Variants in SCGB2B2 observed in about 807,000 individuals in gnomAD.
SCGB2B2 encodes secretoglobin-like protein.
A neutral mutation model predicts 7.6 loss-of-function variants in SCGB2B2; 11 were observed. The observed-to-expected ratio is 1.45, with a 90% CI of 0.91 to 2.40. The LOEUF (loss-of-function observed/expected upper bound fraction) is 2.40, where lower values mean the gene tolerates loss of function less well. SCGB2B2 is among the 30% of genes most tolerant of loss of function. The pLI is 0.00. For missense variants in SCGB2B2, 104 were observed against 115.4 expected (o/e 0.90, Z 0.45); for synonymous variants, 50 against 48.6 (o/e 1.03, Z -0.12).
At chr19:34,608,043 A>G (rs1262915937) in intron 1 of SCGB2B2, among the ~76,000 whole-genome samples, 1 of 152,086 alleles carries the variant, frequency 6.6e-6, no homozygotes, top group Non-Finnish European at 1.5e-5. Flanking sequence ...GAATCTGTAG[A>G]TCACTTTGGG....
rs1163946010 is a variant in SCGB2B2, at chr19:34,593,618, A to C, written c.247-19T>G. On this transcript the variant is annotated intron_variant, in intron 3 of 3. Transcript: ENST00000601241. Reference sequence around the variant, plus strand: ...TCTTCTTCTGTTGGAAAAAGAAGAAAGAGAGGAGCCGGTGGCCTCTGTGAA... The same window carrying C: ...TCTTCTTCTGTTGGAAAAAGAAGAACGAGAGGAGCCGGTGGCCTCTGTGAA... The C allele has an allele frequency of 6.4e-7, 1 of 1,550,496 alleles. No individual in the cohort carries two copies. The highest frequency in any genetic ancestry group is 2.0e-5 in the Admixed American group (1 of 51,074).
At chr19:34,628,322 T>C (rs899248926) in intron 1 of SCGB2B2, among the ~76,000 whole-genome samples, 1 of 148,176 alleles carries the variant, frequency 6.7e-6, no homozygotes, top group African/African-American at 2.4e-5. Context: ...AAAAAATCAA[T>C]GAATCCAGGA....
intron 1 of SCGB2B2, among the ~76,000 whole-genome samples, chr19:34,671,157 A>G (rs1312204617): frequency 6.6e-6 from 1 of 152,126 alleles, no homozygotes; most frequent in Non-Finnish European, 1.5e-5. Flanking sequence ...CTCATGATAC[A>G]CCCACCTTGG....
In SCGB2B2 at chr19:34,594,958, A is replaced by G. The variant is rs182262435; in HGVS notation, c.-395T>C. ...CTGCACTTGGCACGCCCTAGCACAG[A>G]ATCTGCCACTGAGTGCTGGCTCAAC... On this transcript the variant is annotated 5_prime_UTR_variant, in exon 2 of 4. Coordinates refer to ENST00000601241, the MANE Select transcript of SCGB2B2 (RefSeq NM_001025591.4). 2.1e-5 allele frequency: 5 copies of G among 243,784 alleles called. No individual in the cohort carries two copies. The highest frequency in any genetic ancestry group is 3.3e-5 in the Non-Finnish European group (4 of 122,856). 15.1% of individuals were successfully genotyped at this position (243,784 alleles called of 1,614,324 possible).
At chr19:34,642,768 T>C (rs1448802425) in intron 1 of SCGB2B2, among the ~76,000 whole-genome samples, 3 of 136,832 alleles carry the variant, frequency 2.2e-5, no homozygotes, top group South Asian at 2.5e-4. Flanking sequence ...CCAACATCTC[T>C]CTAAAGATGA....
chr19:34,644,124 G>A (rs1256592298), intron 1 of SCGB2B2, among the ~76,000 whole-genome samples: 7 of 152,118 alleles, frequency 4.6e-5, no homozygotes, highest in South Asian at 4.1e-4. Context: ...GATGGGTAAC[G>A]TGGCATACGA....
chr19:34,638,472 C>T (rs1254242318), intron 1 of SCGB2B2, among the ~76,000 whole-genome samples: 4 of 131,178 alleles, frequency 3.0e-5, no homozygotes, highest in African/African-American at 8.1e-5. Flanking sequence ...AACACCCATC[C>T]CCCCCCAAAA....
intron 1 of SCGB2B2, among the ~76,000 whole-genome samples, chr19:34,612,050 T>TAGG (rs2065946955): frequency 1.1e-5 from 1 of 89,154 alleles, no homozygotes; most frequent in Admixed American, 1.1e-4. Context: ...TTTTTTTTTT[T>TAGG]TTTTTTTTAG....
At chr19:34,628,815 AAAAAAAAGAATT>A (rs1203833390) in intron 1 of SCGB2B2, among the ~76,000 whole-genome samples, 1 of 151,726 alleles carries the variant, frequency 6.6e-6, no homozygotes, top group Non-Finnish European at 1.5e-5. Context: ...ACACAACAAC[AAAAAAAAGAATT>A]TTAGACCAAT....
chr19:34,599,764 C>A (rs931065), intron 1 of SCGB2B2, among the ~76,000 whole-genome samples: 48,231 of 151,846 alleles, frequency 0.32, 9,205 homozygotes, highest in Admixed American at 0.46. Context: ...CCTCTTCCCC[C>A]TGTTCCTCAG....
At chr19:34,662,140 A>G (rs1169812051) in intron 1 of SCGB2B2, among the ~76,000 whole-genome samples, 3 of 152,068 alleles carry the variant, frequency 2.0e-5, no homozygotes, top group Non-Finnish European at 2.9e-5. Flanking sequence ...TTGGCCTCCC[A>G]AAGTGCTGGG....
rs1041059415 is a variant in SCGB2B2, at chr19:34,594,542, A to G, written c.22T>C (p.Cys8Arg). 5 of 1,613,014 alleles carry G rather than the reference A, an allele frequency of 3.1e-6. No individual in the cohort carries two copies. The African/African-American group carries it at 6.7e-5, about 22-fold the overall frequency. MRVTSAT[C>R]ALLLALICSV... ...CAGATCAGAGCCAGCAGAAGAGCACAGGTGGCGGATGTCACCCTCATGACA... is the reference window on the plus strand; with the variant it reads ...CAGATCAGAGCCAGCAGAAGAGCACGGGTGGCGGATGTCACCCTCATGACA... The change falls in exon 2 of 4, where the codon TGT becomes CGT. Residue 8 changes from cysteine (C) to arginine (R), a missense_variant. Cys to Arg is a radical substitution (Grantham distance 180). Transcript: ENST00000601241.
At chr19:34,630,086 T>C (rs2066487208) in intron 1 of SCGB2B2, among the ~76,000 whole-genome samples, 1 of 151,900 alleles carries the variant, frequency 6.6e-6, no homozygotes, top group Non-Finnish European at 1.5e-5. Context: ...CTGGATCCCT[T>C]CCTTACACCT....
downstream of SCGB2B2, among the ~76,000 whole-genome samples, chr19:34,587,741 A>G (rs917792212): frequency 1.3e-5 from 2 of 152,170 alleles, no homozygotes; most frequent in African/African-American, 2.4e-5. Flanking sequence ...TTTACCATGA[A>G]GGACTGTTGA....
intron 1 of SCGB2B2, among the ~76,000 whole-genome samples, chr19:34,611,727 G>A (rs939548998): frequency 4.0e-5 from 6 of 151,058 alleles, no homozygotes; most frequent in African/African-American, 1.5e-4. Context: ...TTGGCTCACT[G>A]CAACCTCCGC....
chr19:34,675,262 T>C (rs1457359441), intron 1 of SCGB2B2, among the ~76,000 whole-genome samples: 1 of 152,228 alleles, frequency 6.6e-6, no homozygotes, highest in Non-Finnish European at 1.5e-5. Flanking sequence ...AGTAAAATCA[T>C]AGATGGAAAC....
chr19:34,636,282 G>A (rs2066675361), intron 1 of SCGB2B2, among the ~76,000 whole-genome samples: 1 of 152,138 alleles, frequency 6.6e-6, no homozygotes, highest in Non-Finnish European at 1.5e-5. Context: ...CAGGACTCTT[G>A]GGGGGCTACG....
intron 1 of SCGB2B2, among the ~76,000 whole-genome samples, chr19:34,662,981 G>A (rs953240066): frequency 2.0e-5 from 3 of 151,868 alleles, no homozygotes; most frequent in South Asian, 4.2e-4. Context: ...ATAAAAGTGC[G>A]GAAAAAGCCT....
intron 1 of SCGB2B2, among the ~76,000 whole-genome samples, chr19:34,647,095 C>A (rs1383257659): frequency 1.3e-5 from 2 of 151,756 alleles, no homozygotes; most frequent in South Asian, 4.2e-4. Flanking sequence ...CAGGCCTCAG[C>A]GTCCCCATAA....
Sources: gnomAD v4.1 joint callset for allele counts (sites outside exome capture counted in the v4.1 genomes callset) on GRCh38, gnomAD v4.1.1 for gene constraint, MANE v1.5 for transcripts, NCBI Gene and HGNC (gene_info 2026-07-23, HGNC 2026-07-21) for gene names.